The following MAN1C1 variants were observed in gnomAD, a reference collection of about 807,000 sequenced individuals.
The protein encoded by MAN1C1 is mannosidase alpha class 1C member 1.
In MAN1C1, 49 loss-of-function variants were observed where a neutral mutation model predicts 71.5. The observed-to-expected ratio is 0.69, with a 90% CI of 0.54 to 0.87. The LOEUF is 0.87. MAN1C1 is among the 40% of genes least tolerant of loss of function. MAN1C1 has a pLI of 0.00. For missense variants in MAN1C1, 743 were observed against 835.0 expected (o/e 0.89, Z 1.36); for synonymous variants, 352 against 343.7 (o/e 1.02, Z -0.27).
At chr1:25,742,835 T>C (rs2047080016) in intron 2 of MAN1C1, among the ~76,000 whole-genome samples, 1 of 152,162 alleles carries the variant, frequency 6.6e-6, no homozygotes, top group Non-Finnish European at 1.5e-5. Context: ...AAGGCTTTAT[T>C]CAGTAGCCAA....
chr1:25,736,558 G>A (rs1417993929), intron 2 of MAN1C1, among the ~76,000 whole-genome samples: 5 of 152,100 alleles, frequency 3.3e-5, no homozygotes, highest in Non-Finnish European at 7.4e-5. Flanking sequence ...GCAGGGTCTT[G>A]CTCTGTCGCC....
intron 3 of MAN1C1, among the ~76,000 whole-genome samples, chr1:25,748,926 C>G (rs1237458567): frequency 6.6e-6 from 1 of 152,224 alleles, no homozygotes; most frequent in Non-Finnish European, 1.5e-5. Context: ...TTTACCTCCC[C>G]TCAGTCTAAG....
chr1:25,736,362 A>T lies in MAN1C1; in HGVS notation c.638-10306A>T, dbSNP rs577904825. Among the ~76,000 whole-genome samples, 511 of 152,202 alleles carry T rather than the reference A, an allele frequency of 3.4e-3. 1 individual carries two copies. The highest frequency in any genetic ancestry group is 0.012 in the African/African-American group (483 of 41,510). ...TCTGCTGGAACTGAACCTTGTGATAACAGCCCCATGCATTGAGTACCTACT... is the reference window on the plus strand; with the variant it reads ...TCTGCTGGAACTGAACCTTGTGATATCAGCCCCATGCATTGAGTACCTACT... On this transcript the variant is annotated intron_variant, in intron 2 of 11. Transcript: ENST00000374332.
rs184196780 is a variant in MAN1C1 at position 25,675,291 on chromosome 1, G to A, written c.541-11149G>A. ...TCCATTATATCATTCTTATGCCTTT[G>A]TGTCCTCATAGCTTAGCTTCCACTT... On this transcript the variant is annotated intron_variant, in intron 1 of 11. Transcript: ENST00000374332. 2.3e-3 allele frequency among the ~76,000 whole-genome samples: 351 copies of A among 152,174 alleles called. 1 individual carries two copies. Among genetic ancestry groups the A allele is most frequent in the Non-Finnish European group, 4.1e-3 (277 of 68,016 alleles).
At chr1:25,656,095 C>CTTTTTTTGTTTTTTTTTTTTTTTTTT (rs2045761247) in intron 1 of MAN1C1, among the ~76,000 whole-genome samples, 1 of 74,988 alleles carries the variant, frequency 1.3e-5, no homozygotes, top group African/African-American at 8.2e-5. Context: ...GATTATCAGT[C>CTTTTTTTGTTTTTTTTTTTTTTTTTT]TTTTTTTTTT....
intron 2 of MAN1C1, among the ~76,000 whole-genome samples, chr1:25,699,044 C>T (rs997784580): frequency 1.8e-4 from 27 of 151,394 alleles, no homozygotes; most frequent in Admixed American, 1.4e-3. Context: ...CAGTGCCTCA[C>T]GCCTATAATC....
At chr1:25,721,219 T>A (rs1156414985) in intron 2 of MAN1C1, among the ~76,000 whole-genome samples, 1 of 152,192 alleles carries the variant, frequency 6.6e-6, no homozygotes, top group Admixed American at 6.5e-5. Flanking sequence ...ACTCCTAGCT[T>A]CAAGCAATCC....
At chr1:25,667,521 G>GAA (rs1391707690) in intron 1 of MAN1C1, among the ~76,000 whole-genome samples, 2 of 134,588 alleles carry the variant, frequency 1.5e-5, no homozygotes, top group Non-Finnish European at 3.2e-5. Context: ...CAAAGAAAAA[G>GAA]AAACAATGAA....
At chr1:25,737,667 C>T (rs1338540850) in intron 2 of MAN1C1, among the ~76,000 whole-genome samples, 1 of 152,126 alleles carries the variant, frequency 6.6e-6, no homozygotes, top group Non-Finnish European at 1.5e-5. Flanking sequence ...CATACAATAT[C>T]GTGTACACAG....
At chr1:25,715,901 T>C (rs943667010) in intron 2 of MAN1C1, among the ~76,000 whole-genome samples, 3 of 152,182 alleles carry the variant, frequency 2.0e-5, no homozygotes, top group Non-Finnish European at 2.9e-5. Context: ...AGGTAGTTAG[T>C]CTAGGACTGG....
chr1:25,721,637 A>T (rs908233933), intron 2 of MAN1C1, among the ~76,000 whole-genome samples: 1 of 152,176 alleles, frequency 6.6e-6, no homozygotes, highest in Admixed American at 6.5e-5. Context: ...ACCTTGCTGA[A>T]CTCATTCATC....
chr1:25,744,994 A>G (rs1413871430), intron 2 of MAN1C1, among the ~76,000 whole-genome samples: 1 of 152,218 alleles, frequency 6.6e-6, no homozygotes, highest in Non-Finnish European at 1.5e-5. Flanking sequence ...CAATGACTCC[A>G]TAGTTGTAAG....
rs1161009816 is a variant in MAN1C1 at position 25,764,945 on chromosome 1, G to A, written c.1141+978G>A. 6.6e-6 allele frequency among the ~76,000 whole-genome samples: 1 copy of A among 152,042 alleles called. No individual in the cohort carries two copies. Among genetic ancestry groups the A allele is most frequent in the Non-Finnish European group, 1.5e-5 (1 of 68,006 alleles). Reference sequence around the variant, plus strand: ...TGTCTCTAGTCCCAGCTACTCAGGAGGCTGAGGCAGGAGAATCGCTTGAAC... The same window carrying A: ...TGTCTCTAGTCCCAGCTACTCAGGAAGCTGAGGCAGGAGAATCGCTTGAAC... On this transcript the variant is annotated intron_variant, in intron 7 of 11. Coordinates refer to ENST00000374332, the MANE Select transcript of MAN1C1 (RefSeq NM_020379.4). The surrounding 1 kb of genome is among the most constrained non-coding windows in gnomAD (Gnocchi z 4.4).
chr1:25,684,544 A>C (rs533020638), intron 1 of MAN1C1, among the ~76,000 whole-genome samples: 1 of 152,304 alleles, frequency 6.6e-6, no homozygotes, highest in African/African-American at 2.4e-5. Flanking sequence ...TCATCTGTGA[A>C]ATGGGGCAGT....
chr1:25,677,561 A>G (rs1196527962), intron 1 of MAN1C1, among the ~76,000 whole-genome samples: 2 of 152,080 alleles, frequency 1.3e-5, no homozygotes, highest in African/African-American at 4.8e-5. Flanking sequence ...TGTCCTGAGT[A>G]TCTCTTGCTG....
At chr1:25,664,278 T>G (rs2045890778) in intron 1 of MAN1C1, among the ~76,000 whole-genome samples, 1 of 152,120 alleles carries the variant, frequency 6.6e-6, no homozygotes, top group Non-Finnish European at 1.5e-5. Context: ...TTTTTTAATT[T>G]TAATCCCTAT....
intron 1 of MAN1C1, among the ~76,000 whole-genome samples, chr1:25,685,877 T>C (rs1361797576): frequency 6.6e-6 from 1 of 152,126 alleles, no homozygotes; most frequent in Non-Finnish European, 1.5e-5. Context: ...AAGAGACTCG[T>C]ATGGTGATTT....
intron 1 of MAN1C1, among the ~76,000 whole-genome samples, chr1:25,638,336 G>T (rs2045492142): frequency 6.6e-6 from 1 of 152,020 alleles, no homozygotes; most frequent in Admixed American, 6.6e-5. Flanking sequence ...TCTTCATTCT[G>T]TTGCTGTCAT....
intron 1 of MAN1C1, among the ~76,000 whole-genome samples, chr1:25,648,319 T>G (rs1038048446): frequency 1.3e-5 from 2 of 152,214 alleles, no homozygotes; most frequent in Non-Finnish European, 2.9e-5. Context: ...GGCTTCTGGC[T>G]CTAGATTCAG....
Sources: gnomAD v4.1 joint callset for allele counts (sites outside exome capture counted in the v4.1 genomes callset) on GRCh38, gnomAD v4.1.1 for gene constraint, Gnocchi (gnomAD v3.1) non-coding constraint, MANE v1.5 for transcripts, NCBI Gene and HGNC (gene_info 2026-07-23, HGNC 2026-07-21) for gene names.